SPINK5: variants seen among roughly 807,000 people sequenced by gnomAD.
SPINK5 encodes serine peptidase inhibitor Kazal type 5, also known as serine protease inhibitor Kazal-type 5.
Under a neutral mutation model 151.8 loss-of-function variants are expected in SPINK5, and 125 were observed. The observed-to-expected ratio is 0.82, with a 90% CI of 0.71 to 0.96. SPINK5 has a LOEUF of 0.96. Among genes scored for constraint, SPINK5 ranks in the 40% least tolerant of loss-of-function variants. The probability of loss-of-function intolerance (pLI) is 0.00; values close to 1 mark genes in which losing one functional copy is unlikely to be tolerated. For synonymous variants in SPINK5, 374 were observed against 395.3 expected, an observed-to-expected ratio of 0.95 and a Z score of 0.64; for missense variants, 1,194 against 1,291.9, an observed-to-expected ratio of 0.92 and a Z score of 1.16.
rs1438419399 is a variant in SPINK5 at position 148,070,419 on chromosome 5, A to G, written c.178A>G (p.Ile60Val). 3.1e-6 allele frequency: 5 copies of G among 1,612,802 alleles called. No individual in the cohort carries two copies. Among genetic ancestry groups the G allele is most frequent in the Non-Finnish European group, 4.2e-6 (5 of 1,179,210 alleles). The change falls in exon 3 of 33, where the codon ATC (isoleucine) becomes GTC (valine). Residue 60 changes from isoleucine to valine, a missense_variant. Coordinates refer to ENST00000256084, the MANE Select transcript of SPINK5 (RefSeq NM_006846.4). Reference protein sequence around the residue: ...FFQSLDGIMFINKCATCKMIL... With the variant: ...FFQSLDGIMFVNKCATCKMIL... ...TCAAAGTCTTGATGGAATAATGTTCATCAATAAATGTGCCACGTGCAAAAT... is the reference window on the plus strand; with the variant it reads ...TCAAAGTCTTGATGGAATAATGTTCGTCAATAAATGTGCCACGTGCAAAAT...
intron 15 of SPINK5, among the ~76,000 whole-genome samples, chr5:148,103,757 T>TA (rs1753709104): frequency 6.6e-6 from 1 of 152,194 alleles, no homozygotes; most frequent in Admixed American, 6.5e-5. Flanking sequence ...CCTCCATAGT[T>TA]AGTTTTTGCA....
At chr5:148,091,961 G>T (rs1233853322) in intron 8 of SPINK5, among the ~76,000 whole-genome samples, 2 of 151,772 alleles carry the variant, frequency 1.3e-5, no homozygotes, top group East Asian at 3.9e-4. Flanking sequence ...TTGCTAAATG[G>T]CTAACCTTTT....
intron 22 of SPINK5, 76 bp from the exon 23 acceptor site, chr5:148,118,361 C>G (rs1358848014): frequency 6.2e-7 from 1 of 1,602,854 alleles, no homozygotes. Context: ...TTCTCTTACT[C>G]AGACTGTTAA....
In SPINK5 at chr5:148,103,660, C is replaced by A. The variant is rs564952536; in HGVS notation, c.1431-1292C>A. On this transcript the variant is annotated intron_variant, in intron 15 of 32. Coordinates refer to ENST00000256084, the MANE Select transcript of SPINK5 (RefSeq NM_006846.4). ...AGTTTATTTCATAAGTATATAAATT[C>A]TTTATTGAAAAGAAATAACCTTTAT... Among the ~76,000 whole-genome samples, 5 of 152,110 alleles carry A rather than the reference C, an allele frequency of 3.3e-5. No individual in the cohort carries two copies. In the South Asian group the frequency reaches 1.0e-3, roughly 32 times the overall value.
At chr5:148,118,161 G>A (rs890496201) in intron 22 of SPINK5, among the ~76,000 whole-genome samples, 2 of 152,114 alleles carry the variant, frequency 1.3e-5, no homozygotes, top group Non-Finnish European at 2.9e-5. Context: ...TGGGATTACA[G>A]GCACCCGCCA....
At chr5:148,087,740 T>A (rs909597782) in intron 5 of SPINK5, among the ~76,000 whole-genome samples, 16 of 151,956 alleles carry the variant, frequency 1.1e-4, no homozygotes, top group African/African-American at 3.9e-4. Flanking sequence ...CCCTAATTTC[T>A]GGTATATTTC....
rs1753521542 is a variant in SPINK5 at position 148,098,112 on chromosome 5, C to T, written c.1010+118C>T. ...TCAAGACAGGGAAGTGAGTTGAAAA[C>T]ATTACATGGAAAATATCAGTGATAG... is the stretch of plus-strand genomic sequence containing the variant. On this transcript the variant is annotated intron_variant, in intron 11 of 32. Coordinates refer to ENST00000256084, the MANE Select transcript of SPINK5 (RefSeq NM_006846.4). 5.2e-6 allele frequency: 5 copies of T among 970,218 alleles called. No homozygotes were observed. The Admixed American group carries it at 1.0e-4, about 20-fold the overall frequency. 60.1% of individuals were successfully genotyped at this position (970,218 alleles called of 1,614,324 possible).
rs1297878777 is a variant in SPINK5, at chr5:148,085,499, G to A, written c.283-906G>A. Among the ~76,000 whole-genome samples, 23 of 151,904 alleles carry A rather than the reference G, an allele frequency of 1.5e-4. 1 individual carries two copies. The highest frequency in any genetic ancestry group is 1.5e-3 in the Admixed American group (23 of 15,228). Reference sequence around the variant, plus strand: ...TAAGTTGCCAAATAATGTTTCATAAGAATTCACTTGATCCTTATTGCAAAT... The same window carrying A: ...TAAGTTGCCAAATAATGTTTCATAAAAATTCACTTGATCCTTATTGCAAAT... On this transcript the variant is annotated intron_variant, in intron 4 of 32. Transcript: ENST00000256084.
intron 11 of SPINK5, among the ~76,000 whole-genome samples, 155 bp from the exon 12 acceptor site, chr5:148,099,079 G>T (rs774689651): frequency 8.8e-5 from 12 of 137,056 alleles, no homozygotes; most frequent in African/African-American, 1.3e-4. Flanking sequence ...ATACTATCCT[G>T]GAGGATATTT....
At chr5:148,069,627 A>G (rs532857071) in intron 2 of SPINK5, among the ~76,000 whole-genome samples, 1 of 152,110 alleles carries the variant, frequency 6.6e-6, no homozygotes, top group East Asian at 1.9e-4. Flanking sequence ...AAGTATGGGT[A>G]CTTTCTAAAA....
chr5:148,098,143 G>A, intron 11 of SPINK5, 149 bp downstream of exon 11: 1 of 765,262 alleles, frequency 1.3e-6, no homozygotes. Context: ...GATAGAGCTG[G>A]GAGTAAGTAC....
At chr5:148,112,815 G>A (rs1753976878) in intron 19 of SPINK5, 53 bp from the exon 20 acceptor site, 3 of 1,610,858 alleles carry the variant, frequency 1.9e-6, no homozygotes, top group South Asian at 1.1e-5. Context: ...CTCCTTTAGG[G>A]TAGTATGTAT....
chr5:148,068,506 A>C (rs562743776), intron 2 of SPINK5, among the ~76,000 whole-genome samples: 60 of 146,196 alleles, frequency 4.1e-4, no homozygotes, highest in African/African-American at 1.4e-3. Context: ...ATAGGAGACT[A>C]CTGGAGTTCA....
intron 4 of SPINK5, among the ~76,000 whole-genome samples, chr5:148,083,431 G>A (rs1753073417): frequency 6.6e-6 from 1 of 151,324 alleles, no homozygotes; most frequent in Admixed American, 6.6e-5. Context: ...CTGTTATAGT[G>A]AGACTTGGTT....
Position 148,123,521 on chromosome 5 carries a change from G to GTGTGTGTATATATATATATATATA in SPINK5, c.2539-311_2539-310insGTGTGTATATATATATATATATAT, listed in dbSNP as rs1328976077. 4.2e-3 allele frequency among the ~76,000 whole-genome samples: 106 copies of GTGTGTGTATATATATATATATATA among 24,986 alleles called. 1 individual carries two copies. Among genetic ancestry groups the GTGTGTGTATATATATATATATATA allele is most frequent in the African/African-American group, 7.9e-3 (99 of 12,560 alleles). The allele number at this position is 24,986 out of a possible 152,430, so 16.4% of individuals were successfully genotyped here. A position where few individuals can be genotyped will look rare whatever the true frequency, so the allele number is the denominator to read the frequency against. On this transcript the variant is annotated intron_variant, in intron 26 of 32. Coordinates refer to ENST00000256084, the MANE Select transcript of SPINK5 (RefSeq NM_006846.4). The stretch of plus-strand genomic sequence containing the variant: ...TGGAGTGCAGTGGTGCAATATATGT[G>GTGTGTGTATATATATATATATATA]TATATATATATATATATATATATAT...
chr5:148,106,666 G>A (rs1753789446), intron 16 of SPINK5, among the ~76,000 whole-genome samples: 1 of 151,986 alleles, frequency 6.6e-6, no homozygotes, highest in Non-Finnish European at 1.5e-5. Flanking sequence ...GGTTAAGCAT[G>A]TTTTTTCTCT....
intron 9 of SPINK5, 148 bp downstream of exon 9, chr5:148,094,629 C>T (rs2113091978): frequency 4.7e-6 from 6 of 1,274,034 alleles, no homozygotes; most frequent in Non-Finnish European, 6.7e-6. Flanking sequence ...ATAATGCCAC[C>T]TAGTGAGCAG....
intron 19 of SPINK5, among the ~76,000 whole-genome samples, chr5:148,112,540 G>A (rs542549498): frequency 1.5e-4 from 23 of 152,056 alleles, no homozygotes; most frequent in Non-Finnish European, 2.9e-4. Flanking sequence ...GGGCATGGTG[G>A]TGCACGCATG....
In SPINK5 at chr5:148,099,247, G is replaced by GAAGAA. The variant is rs1561687788; in HGVS notation, c.1032_1036dup (p.Lys346ArgfsTer31). The stretch of plus-strand genomic sequence containing the variant: ...CCTCTTATTCAGCCAAGCAGAAAAT[G>GAAGAA]AAGAAAAGAAAAAGGCTGAAGCACG... On this transcript the variant is annotated frameshift_variant, in exon 12 of 33. Transcript: ENST00000256084. LOFTEE classifies it high-confidence loss of function. 1 of 1,610,560 alleles carries GAAGAA rather than the reference G, an allele frequency of 6.2e-7. No homozygotes were observed. The highest frequency in any genetic ancestry group is 8.5e-7 in the Non-Finnish European group (1 of 1,178,158).
Sources: allele counts gnomAD v4.1 joint callset (sites outside exome capture counted in the v4.1 genomes callset), GRCh38; gene constraint gnomAD v4.1.1; transcripts MANE v1.5; gene names NCBI Gene and HGNC (gene_info 2026-07-23, HGNC 2026-07-21).